The following PRKN variants were observed in gnomAD, a reference collection of about 807,000 sequenced individuals.
The protein encoded by PRKN is parkin RBR E3 ubiquitin protein ligase, also known as E3 ubiquitin-protein ligase parkin.
In PRKN, 56 loss-of-function variants were observed where a neutral mutation model predicts 59.5. That is an observed-to-expected ratio of 0.94 (90% CI 0.76 to 1.18). PRKN has a LOEUF of 1.18. Among genes scored for constraint, PRKN ranks in the 50% most tolerant of loss-of-function variants. PRKN has a pLI of 0.00. For synonymous variants in PRKN, 250 were observed against 222.1 expected (o/e 1.13, Z -1.12); for missense variants, 657 against 596.4 (o/e 1.10, Z -1.06).
At chr6:161,986,090 A>G (rs1258779465) in intron 5 of PRKN, among the ~76,000 whole-genome samples, 2 of 152,210 alleles carry the variant, frequency 1.3e-5, no homozygotes, top group African/African-American at 4.8e-5. Context: ...GGCAACATCC[A>G]GGAGTTACCA....
chr6:162,208,305 C>T (rs544164694), intron 3 of PRKN, among the ~76,000 whole-genome samples: 5 of 152,276 alleles, frequency 3.3e-5, no homozygotes, highest in African/African-American at 9.6e-5. Flanking sequence ...AAACAGCTTC[C>T]AATTACATAA....
intron 9 of PRKN, among the ~76,000 whole-genome samples, chr6:161,539,146 T>C (rs898726570): frequency 2.6e-5 from 4 of 152,234 alleles, no homozygotes; most frequent in African/African-American, 9.6e-5. Context: ...TGTGCAAAGT[T>C]GCATTGGGAT....
intron 3 of PRKN, among the ~76,000 whole-genome samples, chr6:162,261,843 T>A (rs547498715): frequency 2.0e-5 from 3 of 152,302 alleles, no homozygotes; most frequent in South Asian, 2.1e-4. Context: ...ATTTAGTAAG[T>A]TTAGTAGGAG....
At chr6:162,377,283 G>A (rs990644744) in intron 2 of PRKN, among the ~76,000 whole-genome samples, 3 of 152,176 alleles carry the variant, frequency 2.0e-5, no homozygotes, top group African/African-American at 7.2e-5. Flanking sequence ...AACACAGAAT[G>A]TGCATACAAA....
At chr6:162,241,319 C>T (rs1023417893) in intron 3 of PRKN, among the ~76,000 whole-genome samples, 3 of 152,076 alleles carry the variant, frequency 2.0e-5, no homozygotes, top group Non-Finnish European at 2.9e-5. Context: ...CAATATATAA[C>T]TGCTAACGCA....
intron 2 of PRKN, among the ~76,000 whole-genome samples, chr6:162,315,212 C>T (rs192853298): frequency 1.3e-5 from 2 of 152,094 alleles, no homozygotes; most frequent in African/African-American, 4.8e-5. Context: ...TGAACTCTAA[C>T]GACCGACTTC....
At position 161,785,848 on chromosome 6, in the gene PRKN, G is replaced by A. The variant is rs942973988; in HGVS notation, c.795C>T (p.His265=). The change falls in exon 7 of 12, where the codon CAC becomes CAT. Residue 265 remains histidine, a synonymous_variant. Coordinates refer to ENST00000366898, the MANE Select transcript of PRKN (RefSeq NM_004562.3). The part of the protein sequence containing the change: ...SRHVICLDCF[H]LYCVTRLNDR... ...CATTGAGTCTTGTCACACAGTATAAGTGGAAACAGTCTAAGCAAATCACGT... is the reference window on the plus strand; with the variant it reads ...CATTGAGTCTTGTCACACAGTATAAATGGAAACAGTCTAAGCAAATCACGT... 5.0e-6 allele frequency: 8 copies of A among 1,614,034 alleles called. No individual in the cohort carries two copies. The African/African-American group carries it at 6.7e-5, about 13-fold the overall frequency.
rs1785703717 is a variant in PRKN at position 161,376,413 on chromosome 6, G to A, written c.1167+10381C>T. ...TTTCTGTCTCCTCTTCCAGCCAATG[G>A]CACCACCATCGTTCTAAGCTAGACA... On this transcript the variant is annotated intron_variant, in intron 10 of 11. Coordinates refer to ENST00000366898, the MANE Select transcript of PRKN (RefSeq NM_004562.3). The surrounding 1 kb of genome is among the most constrained non-coding windows in gnomAD (Gnocchi z 7.3). Among the ~76,000 whole-genome samples, 1 of 152,122 alleles carries A rather than the reference G, an allele frequency of 6.6e-6. No individual in the cohort carries two copies. Among genetic ancestry groups the A allele is most frequent in the Admixed American group, 6.6e-5 (1 of 15,266 alleles).
chr6:162,085,544 T>C (rs1485452371), intron 4 of PRKN, among the ~76,000 whole-genome samples: 1 of 152,116 alleles, frequency 6.6e-6, no homozygotes, highest in Non-Finnish European at 1.5e-5. Context: ...AGAGCAGATA[T>C]TTGACAAAGA....
At chr6:161,669,135 A>G (rs530005789) in intron 7 of PRKN, among the ~76,000 whole-genome samples, 4 of 152,252 alleles carry the variant, frequency 2.6e-5, no homozygotes, top group African/African-American at 9.6e-5. Flanking sequence ...TCACAGCAAA[A>G]AGACACAATC....
chr6:161,554,381 C>T lies in PRKN; in HGVS notation c.934-5378G>A, dbSNP rs1289158795. ...TCGAACTATGCTGTCTTTCTCTTAA[C>T]CTTCATGTTATCTTACTTCTATACA... is the stretch of plus-strand genomic sequence containing the variant. On this transcript the variant is annotated intron_variant, in intron 8 of 11. Transcript: ENST00000366898. This position sits in a 1 kb window ranked among gnomAD's most constrained non-coding sequence, Gnocchi z 4.5. Among the ~76,000 whole-genome samples, 2 of 146,618 alleles carry T rather than the reference C, an allele frequency of 1.4e-5. No homozygotes were observed. Among genetic ancestry groups the T allele is most frequent in the African/African-American group, 5.1e-5 (2 of 39,278 alleles).
At chr6:162,001,747 T>G (rs1782064850) in intron 5 of PRKN, among the ~76,000 whole-genome samples, 1 of 151,988 alleles carries the variant, frequency 6.6e-6, no homozygotes, top group African/African-American at 2.4e-5. Context: ...TGGCAAAGAG[T>G]CTAGCTTCTC....
chr6:161,512,260 G>T (rs1393787331), intron 9 of PRKN, among the ~76,000 whole-genome samples: 1 of 148,768 alleles, frequency 6.7e-6, no homozygotes, highest in Non-Finnish European at 1.5e-5. Context: ...CCCAAGCTCA[G>T]AAAAATGGTT....
At chr6:161,896,203 C>T (rs190518830) in intron 6 of PRKN, among the ~76,000 whole-genome samples, 1 of 152,308 alleles carries the variant, frequency 6.6e-6, no homozygotes, top group East Asian at 1.9e-4. Flanking sequence ...AATTCTTTTG[C>T]CCTCCTCCTA....
chr6:162,711,747 G>C (rs1048263916), intron 1 of PRKN, among the ~76,000 whole-genome samples: 4 of 152,134 alleles, frequency 2.6e-5, no homozygotes, highest in Non-Finnish European at 5.9e-5. Context: ...TCTCTATATG[G>C]GGGAAAGTAG....
At chr6:162,479,511 G>T (rs951814270) in intron 1 of PRKN, among the ~76,000 whole-genome samples, 2 of 152,120 alleles carry the variant, frequency 1.3e-5, no homozygotes, top group Admixed American at 1.3e-4. Flanking sequence ...TAACAGGCTT[G>T]AGCCACCATG....
At position 161,484,575 on chromosome 6, in the gene PRKN, C is replaced by T. The variant is rs1791565431; in HGVS notation, c.1083+64279G>A. On this transcript the variant is annotated intron_variant, in intron 9 of 11. Coordinates refer to ENST00000366898, the MANE Select transcript of PRKN (RefSeq NM_004562.3). The surrounding 1 kb of genome is among the most constrained non-coding windows in gnomAD (Gnocchi z 4.9). The stretch of plus-strand genomic sequence containing the variant: ...ACTTGGGAAGCTTAGGAAGGTTTCC[C>T]AAAGCAAGCTGTGGGTACGGACGGC... 6.6e-6 allele frequency among the ~76,000 whole-genome samples: 1 copy of T among 152,006 alleles called. No homozygotes were observed. The highest frequency in any genetic ancestry group is 2.4e-5 in the African/African-American group (1 of 41,368).
At chr6:161,908,968 TA>T (rs1366185959) in intron 6 of PRKN, among the ~76,000 whole-genome samples, 1 of 152,018 alleles carries the variant, frequency 6.6e-6, no homozygotes, top group African/African-American at 2.4e-5. Context: ...ACAAAATGAT[TA>T]AAAAAATAAA....
Position 161,530,032 on chromosome 6 carries a change from TA to T in PRKN, c.1083+18821del, listed in dbSNP as rs147377973. On this transcript the variant is annotated intron_variant, in intron 9 of 11. Transcript: ENST00000366898. The surrounding 1 kb of genome is among the most constrained non-coding windows in gnomAD (Gnocchi z 5.0). Reference sequence around the variant, plus strand: ...AAAAGCATTTTACTTAAGAAGCATTTAAAAAAAAAACCCTCATTCATTTCAC... The same window carrying T: ...AAAAGCATTTTACTTAAGAAGCATTTAAAAAAAAACCCTCATTCATTTCAC... Among the ~76,000 whole-genome samples, 17 of 149,942 alleles carry T rather than the reference TA, an allele frequency of 1.1e-4. No individual in the cohort carries two copies. The highest frequency in any genetic ancestry group is 9.8e-4 in the East Asian group (5 of 5,124).
Sources: allele counts gnomAD v4.1 joint callset (sites outside exome capture counted in the v4.1 genomes callset), GRCh38; gene constraint gnomAD v4.1.1; non-coding constraint Gnocchi (gnomAD v3.1); transcripts MANE v1.5; gene names NCBI Gene and HGNC (gene_info 2026-07-23, HGNC 2026-07-21).